The following SLC4A1 variants were observed in gnomAD, a reference collection of about 807,000 sequenced individuals.
SLC4A1 encodes the protein solute carrier family 4 member 1 (Diego blood group).
A neutral mutation model predicts 93.1 loss-of-function variants in SLC4A1; 29 were observed. The ratio of observed to expected loss-of-function variants is 0.31; its 90% CI spans 0.23 to 0.42. The LOEUF (loss-of-function observed/expected upper bound fraction) is 0.42, where lower values mean the gene tolerates loss of function less well. SLC4A1 is among the 20% of genes least tolerant of loss of function. The probability of loss-of-function intolerance (pLI) is 1.00; values close to 1 mark genes in which losing one functional copy is unlikely to be tolerated. For synonymous variants in SLC4A1, 469 were observed against 497.2 expected, an observed-to-expected ratio of 0.94 and a Z score of 0.76; for missense variants, 965 against 1,190.1, an observed-to-expected ratio of 0.81 and a Z score of 2.78.
In SLC4A1 at chr17:44,262,870, G is replaced by A. The variant is rs937951019; in HGVS notation, c.-4C>T. 43 of 1,614,030 alleles carry A rather than the reference G, an allele frequency of 2.7e-5. No individual in the cohort carries two copies. The highest frequency in any genetic ancestry group is 1.4e-4 in the South Asian group (13 of 91,088). ...CACCCACCTGCAGCTCCTCCATGGC[G>A]TGGTCCTGAGTGTCCAGTTGTCTAC... is the stretch of plus-strand genomic sequence containing the variant. On this transcript the variant is annotated 5_prime_UTR_variant, in exon 2 of 20. In the 5' UTR this introduces an upstream ATG that the reference lacks. Coordinates refer to ENST00000262418, the MANE Select transcript of SLC4A1 (RefSeq NM_000342.4).
At position 44,259,862 on chromosome 17, in the gene SLC4A1, G is replaced by A. The variant is rs756316460; in HGVS notation, c.556C>T (p.Gln186Ter). ...GAGGAGTGTTGGGGGAGCAGAGGCT[G>A]TGAAGGATCCCCAGAGCGTGTCAGG... The part of the protein sequence containing the change: ...AVLTRSGDPS[Q>*]PLLPQHSSLE... Residue 186 changes from glutamine (Q) to a stop codon, truncating the protein, a stop_gained, in exon 7 of 20, where the codon CAG becomes TAG. Transcript: ENST00000262418. LOFTEE classifies it high-confidence loss of function. 1 of 1,614,082 alleles carries A rather than the reference G, an allele frequency of 6.2e-7. No homozygotes were observed. The highest frequency in any genetic ancestry group is 1.3e-5 in the African/African-American group (1 of 75,002).
At chr17:44,259,772 C>CACCCTG (rs773940362) in intron 7 of SLC4A1, 37 bp downstream of exon 7, 78 of 1,613,508 alleles carry the variant, frequency 4.8e-5, no homozygotes, top group South Asian at 1.5e-4. Context: ...CTCCTTGCCC[C>CACCCTG]ACCCTGACCC....
intron 1 of SLC4A1, among the ~76,000 whole-genome samples, chr17:44,267,514 C>T (rs2047504699): frequency 1.3e-5 from 2 of 152,220 alleles, no homozygotes; most frequent in Admixed American, 1.3e-4. Flanking sequence ...GCCCTCAGTT[C>T]CCATGGAATT....
intron 7 of SLC4A1, 29 bp from the exon 8 acceptor site, chr17:44,259,610 C>T (rs1243629198): frequency 5.0e-6 from 8 of 1,586,086 alleles, no homozygotes; most frequent in Non-Finnish European, 6.1e-6. Flanking sequence ...TGACGGGAGT[C>T]CTCGGGCCAG....
chr17:44,252,212 C>T (rs748603394), intron 17 of SLC4A1, among the ~76,000 whole-genome samples: 6 of 151,980 alleles, frequency 3.9e-5, no homozygotes, highest in Non-Finnish European at 5.9e-5. Context: ...TGCGACACCA[C>T]GCCCAGCTGA....
At position 44,253,970 on chromosome 17, in the gene SLC4A1, C is replaced by CTT. The variant is rs55705332; in HGVS notation, c.2057+524_2057+525dup. On this transcript the variant is annotated intron_variant, in intron 16 of 19. Transcript: ENST00000262418. Reference sequence around the variant, plus strand: ...CAGATGTGAGCCACCTCACCTGGCGCTTTTTTTTTTTTTTTTTTTTTGAGA... The same window carrying CTT: ...CAGATGTGAGCCACCTCACCTGGCGCTTTTTTTTTTTTTTTTTTTTTTTGAGA... 1.7e-3 allele frequency among the ~76,000 whole-genome samples: 147 copies of CTT among 87,062 alleles called. 3 individuals are homozygous for CTT. Among genetic ancestry groups the CTT allele is most frequent in the African/African-American group, 5.0e-3 (84 of 16,768 alleles). The allele number at this position is 87,062 out of a possible 152,430, so 57.1% of individuals were successfully genotyped here.
At chr17:44,264,708 C>T (rs967933802) in intron 1 of SLC4A1, among the ~76,000 whole-genome samples, 1 of 152,120 alleles carries the variant, frequency 6.6e-6, no homozygotes, top group African/African-American at 2.4e-5. Flanking sequence ...GCCAGGATGA[C>T]TAGGCCCCAG....
chr17:44,259,912 G>A lies in SLC4A1; in HGVS notation c.506C>T (p.Ala169Val). The change falls in exon 7 of 20, where the codon GCC becomes GTC. Residue 169 changes from alanine to valine, a missense_variant. Physicochemically the swap from Ala to Val is moderately conservative, Grantham distance 64. Around this residue, in one of 2 missense-constraint regions of SLC4A1, gnomAD observed 770 missense variants for 1,006.6 expected, o/e 0.76. Coordinates refer to ENST00000262418, the MANE Select transcript of SLC4A1 (RefSeq NM_000342.4). ...GACTGCAGGCTTCACACCCCCCAGG[G>A]CCTCCAGCTCTCCAGCGTGGCTGCA... ...LKHSHAGELE[A>V]LGGVKPAVLT... 2.5e-6 allele frequency: 4 copies of A among 1,613,994 alleles called. No individual in the cohort carries two copies. Among genetic ancestry groups the A allele is most frequent in the Non-Finnish European group, 3.4e-6 (4 of 1,180,006 alleles).
chr17:44,254,496 G>T lies in SLC4A1; in HGVS notation c.2057C>A (p.Thr686Lys), dbSNP rs143131877. 7 of 1,074,714 alleles carry T rather than the reference G, an allele frequency of 6.5e-6. No individual in the cohort carries two copies. Among genetic ancestry groups the T allele is most frequent in the South Asian group, 4.9e-5 (4 of 81,414 alleles). The allele number at this position is 1,074,714 out of a possible 1,614,324, so 66.6% of individuals were successfully genotyped here. A position where few individuals can be genotyped will look rare whatever the true frequency, so the allele number is the denominator to read the frequency against. Residue 686 changes from threonine to lysine, a missense_variant and splice_region_variant, in exon 16 of 20, where the codon ACG becomes AAG. By Grantham distance (78) the Thr-to-Lys change is moderately conservative. Coordinates refer to ENST00000262418, the MANE Select transcript of SLC4A1 (RefSeq NM_000342.4). ...ILIFLESQITTLIVSKPERKM... is the reference protein window; with the variant it reads ...ILIFLESQITKLIVSKPERKM... The stretch of plus-strand genomic sequence containing the variant: ...GCCCAGCCCCCACCCTGTCTCTCAC[G>T]TGGTGATCTGAGACTCCAGGAATAT...
chr17:44,250,235 C>T lies in SLC4A1; in HGVS notation c.*223G>A, dbSNP rs753118012. On this transcript the variant is annotated 3_prime_UTR_variant, in exon 20 of 20. Coordinates refer to ENST00000262418, the MANE Select transcript of SLC4A1 (RefSeq NM_000342.4). ...GCAACAGGAGGGACTGTGCAACAAA[C>T]CCCCTAATGTGGGCCCCATCGGCCA... The T allele has an allele frequency of 1.8e-6, 1 of 543,338 alleles. No individual in the cohort carries two copies. The highest frequency in any genetic ancestry group is 3.4e-6 in the Non-Finnish European group (1 of 298,190). The allele number at this position is 543,338 out of a possible 1,614,324, so 33.7% of individuals were successfully genotyped here. A position where few individuals can be genotyped will look rare whatever the true frequency, so the allele number is the denominator to read the frequency against.
At chr17:44,254,457 T>C in intron 16 of SLC4A1, 39 bp downstream of exon 16, 29 of 1,282,670 alleles carry the variant, frequency 2.3e-5, no homozygotes, top group Non-Finnish European at 2.8e-5. Flanking sequence ...GGTCCCTGCC[T>C]CCCACCCTCC....
rs958012250 is a variant in SLC4A1 at position 44,249,526 on chromosome 17, C to G, written c.*932G>C. On this transcript the variant is annotated 3_prime_UTR_variant, in exon 20 of 20. Coordinates refer to ENST00000262418, the MANE Select transcript of SLC4A1 (RefSeq NM_000342.4). ...AGAATCAACTGTACCTTGCCCCCCA[C>G]CCCCACCCCAGGGCAGGGCTTGTCT... is the stretch of plus-strand genomic sequence containing the variant. The G allele has an allele frequency of 4.9e-6, 1 of 204,790 alleles. No individual in the cohort carries two copies. Among genetic ancestry groups the G allele is most frequent in the African/African-American group, 2.4e-5 (1 of 41,042 alleles). The allele number at this position is 204,790 out of a possible 1,614,324, so 12.7% of individuals were successfully genotyped here.
chr17:44,250,414 G>A lies in SLC4A1; in HGVS notation c.*44C>T. ...ACTTCTGCTTTTCCTTGGAAGGTGG[G>A]GATGTGGAATGGTGGGGGAGGGTCT... On this transcript the variant is annotated 3_prime_UTR_variant, in exon 20 of 20. Transcript: ENST00000262418. 2 of 1,465,892 alleles carry A rather than the reference G, an allele frequency of 1.4e-6. No homozygotes were observed. Among genetic ancestry groups the A allele is most frequent in the Non-Finnish European group, 1.9e-6 (2 of 1,045,684 alleles). 90.8% of individuals were successfully genotyped at this position (1,465,892 alleles called of 1,614,324 possible).
chr17:44,256,139 T>TCATC (rs984076334), intron 13 of SLC4A1, among the ~76,000 whole-genome samples: 1 of 152,148 alleles, frequency 6.6e-6, no homozygotes, highest in Non-Finnish European at 1.5e-5. Context: ...CATTCATCAA[T>TCATC]CATCCATCCA....
intron 1 of SLC4A1, among the ~76,000 whole-genome samples, chr17:44,267,708 T>A (rs1404514219): frequency 6.6e-6 from 1 of 152,056 alleles, no homozygotes; most frequent in Non-Finnish European, 1.5e-5. Flanking sequence ...GAGGACCCCA[T>A]TAGGAAGGAA....
intron 13 of SLC4A1, among the ~76,000 whole-genome samples, chr17:44,256,977 G>C (rs2047394795): frequency 6.6e-6 from 1 of 151,966 alleles, no homozygotes; most frequent in South Asian, 2.1e-4. Flanking sequence ...CATGTGCGAG[G>C]ACACAATGGC....
intron 19 of SLC4A1, 65 bp from the exon 20 acceptor site, chr17:44,250,603 G>A: frequency 8.1e-7 from 1 of 1,240,362 alleles, no homozygotes; most frequent in Non-Finnish European, 1.2e-6. Flanking sequence ...CCCTCCCCGG[G>A]CACGAAAGGC....
At chr17:44,261,802 G>A (rs1214377171) in intron 3 of SLC4A1, among the ~76,000 whole-genome samples, 166 bp from the exon 4 acceptor site, 1 of 152,142 alleles carries the variant, frequency 6.6e-6, no homozygotes, top group African/African-American at 2.4e-5. Flanking sequence ...TCAGCAGAAT[G>A]AGGCTCCCCA....
At chr17:44,257,283 C>T in intron 13 of SLC4A1, 67 bp downstream of exon 13, 1 of 1,508,924 alleles carries the variant, frequency 6.6e-7, no homozygotes, top group South Asian at 1.1e-5. Flanking sequence ...TGAGCCCTCG[C>T]ACCCGGCCAC....
Sources: allele counts gnomAD v4.1 joint callset (sites outside exome capture counted in the v4.1 genomes callset), GRCh38; gene constraint gnomAD v4.1.1; regional missense constraint gnomAD v4.1.1; transcripts MANE v1.5; gene names NCBI Gene and HGNC (gene_info 2026-07-23, HGNC 2026-07-21).